The following SMCO2 variants were observed in gnomAD, a reference collection of about 807,000 sequenced individuals.
SMCO2 encodes single-pass membrane and coiled-coil domain-containing protein 2.
SMCO2 carries 25 observed loss-of-function variants against 29.5 expected under a neutral mutation model. The ratio of observed to expected loss-of-function variants is 0.85; its 90% confidence interval spans 0.62 to 1.18. The LOEUF (loss-of-function observed/expected upper bound fraction) is 1.18. SMCO2 is among the 50% of genes most tolerant of loss of function. The pLI, the probability that SMCO2 is intolerant of heterozygous loss-of-function variation, is 0.00. For missense variants in SMCO2, 348 were observed against 344.5 expected, an observed-to-expected ratio of 1.01 and a Z score of -0.08; for synonymous variants, 117 against 123.3, an observed-to-expected ratio of 0.95 and a Z score of 0.34.
At chr12:27,477,631 A>ATCCTTT (rs1484377460) in intron 4 of SMCO2, among the ~76,000 whole-genome samples, 4 of 81,110 alleles carry the variant, frequency 4.9e-5, no homozygotes, top group African/African-American at 2.9e-4. Flanking sequence ...ATTCTTTTTC[A>ATCCTTT]TTCTTTTTTT....
At chr12:27,445,978 A>G in the SMCO2 span, among the ~76,000 whole-genome samples, 1 of 150,644 alleles carries the variant, frequency 6.6e-6, no homozygotes, top group Non-Finnish European at 1.5e-5. Flanking sequence ...ATCTCAGCTC[A>G]CTGTAACCTC....
intron 5 of SMCO2, among the ~76,000 whole-genome samples, chr12:27,489,010 C>A (rs1357260678): frequency 6.6e-6 from 1 of 152,010 alleles, no homozygotes; most frequent in African/African-American, 2.4e-5. Context: ...CCTCACACTT[C>A]TTATAGACTC....
chr12:27,426,042 C>T, the SMCO2 span, among the ~76,000 whole-genome samples: 1 of 152,300 alleles, frequency 6.6e-6, no homozygotes. Context: ...CATGCTCAAC[C>T]TTGGGTTGAA....
At chr12:27,452,847 G>A in the SMCO2 span, among the ~76,000 whole-genome samples, 1 of 152,240 alleles carries the variant, frequency 6.6e-6, no homozygotes, top group Middle Eastern at 3.4e-3. Context: ...GGGATTGCTG[G>A]ATTGTATGGT....
At chr12:27,475,520 C>T (rs969563422) in intron 4 of SMCO2, 62 bp from the exon 5 acceptor site, 3 of 1,469,842 alleles carry the variant, frequency 2.0e-6, no homozygotes, top group Non-Finnish European at 2.7e-6. Flanking sequence ...AAGAGCATTT[C>T]AGGCTATGTG....
At chr12:27,436,996 C>T in the SMCO2 span, among the ~76,000 whole-genome samples, 11 of 152,122 alleles carry the variant, frequency 7.2e-5, no homozygotes, top group Non-Finnish European at 1.0e-4. Context: ...AGCAGAAACC[C>T]CCTTATGGGA....
In SMCO2 at chr12:27,491,448, A is replaced by G. The variant is rs922884839; in HGVS notation, c.451-2852A>G. On this transcript the variant is annotated intron_variant, in intron 5 of 7. Transcript: ENST00000298876. ...GCTGTATGAAGATGTTTACTCTGTA[A>G]ATAAACTAGGATACCAAATAAGAGG... Among the ~76,000 whole-genome samples, 5 of 152,190 alleles carry G rather than the reference A, an allele frequency of 3.3e-5. No individual in the cohort carries two copies. The East Asian group carries it at 9.6e-4, about 29-fold the overall frequency.
the SMCO2 span, among the ~76,000 whole-genome samples, chr12:27,435,290 CCCCCCCCCCCCCG>C: frequency 1.6e-3 from 33 of 20,688 alleles, 13 homozygotes; most frequent in Non-Finnish European, 3.4e-3. Context: ...GAACCCCCCC[CCCCCCCCCCCCCG>C]GCAATTGTGA....
the SMCO2 span, among the ~76,000 whole-genome samples, chr12:27,448,611 T>A: frequency 1.1e-4 from 16 of 152,140 alleles, no homozygotes; most frequent in Non-Finnish European, 1.9e-4. Context: ...CCCTTGGGAT[T>A]AAATTTTTAA....
At chr12:27,454,421 C>A in the SMCO2 span, among the ~76,000 whole-genome samples, 12 of 152,256 alleles carry the variant, frequency 7.9e-5, no homozygotes, top group East Asian at 1.2e-3. Flanking sequence ...AAAAGGACAC[C>A]TCTGCATCCA....
At chr12:27,468,464 T>G (rs2135541715) in intron 1 of SMCO2, among the ~76,000 whole-genome samples, 1 of 152,374 alleles carries the variant, frequency 6.6e-6, no homozygotes, top group East Asian at 1.9e-4. Flanking sequence ...CAGGCTGGAT[T>G]TGGCCTGCTG....
chr12:27,475,707 A>G lies in SMCO2; in HGVS notation c.362+794A>G, dbSNP rs200524083. The G allele has an allele frequency of 1.0e-4, 158 of 1,548,906 alleles. No homozygotes were observed. The East Asian group carries it at 3.5e-3, about 34-fold the overall frequency. On this transcript the variant is annotated intron_variant, in intron 4 of 7. Coordinates refer to ENST00000298876, the Ensembl canonical transcript of SMCO2. ...ATTGACAATATTATTAAAAAAATAA[A>G]TGTAACAGAAAACACAGTGAAGAGG... is the stretch of plus-strand genomic sequence containing the variant.
chr12:27,470,486 A>T, intron 1 of SMCO2, 136 bp from the exon 2 acceptor site: 1 of 924,130 alleles, frequency 1.1e-6, no homozygotes. Context: ...GGGGTCCTTT[A>T]CGATGAACAG....
At chr12:27,447,668 G>A in the SMCO2 span, among the ~76,000 whole-genome samples, 1 of 150,722 alleles carries the variant, frequency 6.6e-6, no homozygotes, top group Non-Finnish European at 1.5e-5. Flanking sequence ...TAAGGTGGGA[G>A]GAGGTCAAGG....
chr12:27,499,790 A>G (rs1041365427), intron 7 of SMCO2, among the ~76,000 whole-genome samples: 1 of 150,772 alleles, frequency 6.6e-6, no homozygotes, highest in African/African-American at 2.5e-5. Flanking sequence ...GTTTAACTAC[A>G]GCATATTTAT....
chr12:27,495,608 C>G (rs1212755388), intron 6 of SMCO2, 72 bp from the exon 8 acceptor site: 1 of 1,331,838 alleles, frequency 7.5e-7, no homozygotes, highest in Non-Finnish European at 9.9e-7. Context: ...GAAAAGCACT[C>G]AGCATTATCT....
At position 27,497,732 on chromosome 12, in the gene SMCO2, C is replaced by CAAA. The variant is rs544348765; in HGVS notation, c.683+1893_683+1895dup. 2.9e-3 allele frequency: 258 copies of CAAA among 89,392 alleles called. 3 individuals are homozygous for CAAA. The highest frequency in any genetic ancestry group is 0.021 in the South Asian group (71 of 3,420). 5.5% of individuals were successfully genotyped at this position (89,392 alleles called of 1,614,324 possible). On this transcript the variant is annotated intron_variant, in intron 7 of 7. Transcript: ENST00000298876. ...TGGGTAACAGAGTGAGACCTGGTCT[C>CAAA]AAAAAAAAAAAAAAAAAATCAGATG...
At chr12:27,467,303 C>G (rs1308294817) in intron 1 of SMCO2, among the ~76,000 whole-genome samples, 1 of 151,974 alleles carries the variant, frequency 6.6e-6, no homozygotes, top group African/African-American at 2.4e-5. Flanking sequence ...CCAAACAATC[C>G]TAGAAAGCCA....
chr12:27,485,735 C>T (rs964716921), intron 4 of SMCO2, among the ~76,000 whole-genome samples: 7 of 152,168 alleles, frequency 4.6e-5, no homozygotes, highest in South Asian at 2.1e-4. Flanking sequence ...GTGTGAGCCA[C>T]GGCACTCAGC....
Sources: gnomAD v4.1 joint callset for allele counts (sites outside exome capture counted in the v4.1 genomes callset) on GRCh38, gnomAD v4.1.1 for gene constraint, MANE v1.5 for transcripts, NCBI Gene and HGNC (gene_info 2026-07-23, HGNC 2026-07-21) for gene names.